IGSF21: variants seen among roughly 807,000 people sequenced by gnomAD.
IGSF21 encodes the protein immunoglobin superfamily member 21.
Under a neutral mutation model 46.8 loss-of-function variants are expected in IGSF21, and 28 were observed. That is an observed-to-expected ratio of 0.60 (90% CI 0.44 to 0.82). The LOEUF (loss-of-function observed/expected upper bound fraction) is 0.82. Ranked by LOEUF, IGSF21 falls within the 40% of genes least tolerant of loss-of-function variation. The pLI is 0.00. For missense variants in IGSF21, 624 were observed against 665.5 expected (o/e 0.94, Z 0.69); for synonymous variants, 284 against 273.6 (o/e 1.04, Z -0.38).
At chr1:18,208,376 A>AATATATATATAT (rs5772795) in intron 1 of IGSF21, among the ~76,000 whole-genome samples, 5 of 22,034 alleles carry the variant, frequency 2.3e-4, no homozygotes, top group African/African-American at 8.8e-4. Context: ...GTTTAGGAAT[A>AATATATATATAT]ATATATATAT....
chr1:18,357,890 A>G (rs2086038637), intron 4 of IGSF21, among the ~76,000 whole-genome samples: 1 of 152,140 alleles, frequency 6.6e-6, no homozygotes, highest in African/African-American at 2.4e-5. Flanking sequence ...CAGCTCTGCT[A>G]TGTCATCGTC....
chr1:18,348,620 C>A (rs969447433), intron 4 of IGSF21, among the ~76,000 whole-genome samples: 2 of 152,144 alleles, frequency 1.3e-5, no homozygotes, highest in African/African-American at 4.8e-5. Flanking sequence ...AAGGGGCAGG[C>A]AGGAAGTGGA....
At chr1:18,182,245 C>T (rs972575065) in intron 1 of IGSF21, among the ~76,000 whole-genome samples, 5 of 144,748 alleles carry the variant, frequency 3.5e-5, no homozygotes, top group Non-Finnish European at 7.4e-5. Context: ...GGCGTGATCT[C>T]GGCTCACTAC....
At chr1:18,315,432 C>T (rs1323498046) in intron 3 of IGSF21, among the ~76,000 whole-genome samples, 2 of 152,174 alleles carry the variant, frequency 1.3e-5, no homozygotes, top group African/African-American at 2.4e-5. Flanking sequence ...TCAGGTCCAT[C>T]AGGGCAGGAA....
rs1348897734 is a variant in IGSF21, at chr1:18,334,470, T to C, written c.306-422T>C. On this transcript the variant is annotated intron_variant, in intron 3 of 9. Transcript: ENST00000251296. This position sits in a 1 kb window ranked among gnomAD's most constrained non-coding sequence, Gnocchi z 4.3. ...TTATGAAATGGGAATATGGACCCTA[T>C]GTGGAGGCCGTCATGAGGAAAGAGG... Among the ~76,000 whole-genome samples, 1 of 152,170 alleles carries C rather than the reference T, an allele frequency of 6.6e-6. No homozygotes were observed. Among genetic ancestry groups the C allele is most frequent in the African/African-American group, 2.4e-5 (1 of 41,440 alleles).
chr1:18,302,784 G>A (rs1026086584), intron 3 of IGSF21, among the ~76,000 whole-genome samples: 2 of 152,140 alleles, frequency 1.3e-5, no homozygotes, highest in Non-Finnish European at 2.9e-5. Flanking sequence ...AGGGTCAGGG[G>A]TATTTCTCCT....
At chr1:18,178,787 C>T (rs1433371366) in intron 1 of IGSF21, among the ~76,000 whole-genome samples, 1 of 152,026 alleles carries the variant, frequency 6.6e-6, no homozygotes, top group African/African-American at 2.4e-5. Flanking sequence ...TCTGGCCTCC[C>T]AGAGGACGGG....
chr1:18,174,562 C>A (rs1002579626), intron 1 of IGSF21, among the ~76,000 whole-genome samples: 1 of 152,192 alleles, frequency 6.6e-6, no homozygotes, highest in African/African-American at 2.4e-5. Flanking sequence ...TCCCCTCGCT[C>A]GCTCTTGTCA....
chr1:18,324,852 G>A (rs531101741), intron 3 of IGSF21, among the ~76,000 whole-genome samples: 1 of 152,318 alleles, frequency 6.6e-6, no homozygotes, highest in East Asian at 1.9e-4. Context: ...AAGGAGGGTA[G>A]GGAGTCATTT....
At chr1:18,221,233 G>T (rs370723191) in intron 1 of IGSF21, among the ~76,000 whole-genome samples, 1 of 152,164 alleles carries the variant, frequency 6.6e-6, no homozygotes, top group African/African-American at 2.4e-5. Flanking sequence ...CATGGACCAC[G>T]GTGAAGTTAT....
intron 1 of IGSF21, among the ~76,000 whole-genome samples, chr1:18,194,522 G>A (rs140355051): frequency 8.5e-4 from 130 of 152,244 alleles, no homozygotes; most frequent in African/African-American, 3.0e-3. Flanking sequence ...AGAAATCTTG[G>A]TGTTCTTTGG....
At chr1:18,120,760 G>A (rs553830477) in intron 1 of IGSF21, among the ~76,000 whole-genome samples, 25 of 152,204 alleles carry the variant, frequency 1.6e-4, no homozygotes, top group African/African-American at 5.3e-4. Flanking sequence ...CTGGCTTTTC[G>A]GCAGCATGTG....
At chr1:18,195,292 A>C (rs2086996254) in intron 1 of IGSF21, among the ~76,000 whole-genome samples, 1 of 152,190 alleles carries the variant, frequency 6.6e-6, no homozygotes. Context: ...AGCTGTCTCC[A>C]GGGGATGGAA....
At chr1:18,168,558 T>C (rs1199871190) in intron 1 of IGSF21, among the ~76,000 whole-genome samples, 3 of 152,190 alleles carry the variant, frequency 2.0e-5, no homozygotes, top group Non-Finnish European at 4.4e-5. Flanking sequence ...CACTGCTAGA[T>C]GCACCAGGAG....
At chr1:18,269,292 T>C (rs1288459009) in intron 2 of IGSF21, among the ~76,000 whole-genome samples, 2 of 152,154 alleles carry the variant, frequency 1.3e-5, no homozygotes, top group Admixed American at 6.5e-5. Flanking sequence ...GAGGGGCCAT[T>C]TGGGCATTTG....
At chr1:18,108,230 C>T in intron 1 of IGSF21, 32 bp downstream of exon 1, 1 of 1,333,214 alleles carries the variant, frequency 7.5e-7, no homozygotes, top group Non-Finnish European at 9.6e-7. Flanking sequence ...GGGAGCCGAG[C>T]GGTGAACGTG....
intron 1 of IGSF21, among the ~76,000 whole-genome samples, chr1:18,215,155 C>T (rs905886524): frequency 2.0e-5 from 3 of 152,176 alleles, no homozygotes; most frequent in Admixed American, 6.5e-5. Context: ...TCCCCTGACA[C>T]GTGGGGATTA....
intron 1 of IGSF21, 25 bp from the exon 2 acceptor site, chr1:18,227,873 C>G (rs752790008): frequency 6.4e-7 from 1 of 1,574,154 alleles, no homozygotes; most frequent in South Asian, 1.1e-5. Context: ...GTGCCCTTAC[C>G]ACCCCTTTCT....
intron 1 of IGSF21, among the ~76,000 whole-genome samples, chr1:18,217,811 T>A (rs12124722): frequency 0.15 from 22,445 of 152,166 alleles, 2,495 homozygotes; most frequent in East Asian, 0.43. Flanking sequence ...CAAGCCTGGT[T>A]CTCTGTGATG....
Sources: gnomAD v4.1 joint callset for allele counts (sites outside exome capture counted in the v4.1 genomes callset) on GRCh38, gnomAD v4.1.1 for gene constraint, Gnocchi (gnomAD v3.1) non-coding constraint, MANE v1.5 for transcripts, NCBI Gene and HGNC (gene_info 2026-07-23, HGNC 2026-07-21) for gene names.